The following RAPGEF6 variants were observed in gnomAD, a reference collection of about 807,000 sequenced individuals.
RAPGEF6 encodes Rap guanine nucleotide exchange factor 6.
A neutral mutation model predicts 171.4 loss-of-function variants in RAPGEF6; 56 were observed. The ratio of observed to expected loss-of-function variants is 0.33; its 90% confidence interval spans 0.26 to 0.41. The LOEUF (loss-of-function observed/expected upper bound fraction) is 0.41. RAPGEF6 is among the 10% of genes least tolerant of loss of function. The pLI, the probability that RAPGEF6 is intolerant of heterozygous loss-of-function variation, is 1.00. For missense variants in RAPGEF6, 1,674 were observed against 1,921.4 expected (o/e 0.87, Z 2.41); for synonymous variants, 692 against 650.1 (o/e 1.06, Z -0.98).
At chr5:131,485,267 C>G (rs1755807972) in intron 15 of RAPGEF6, among the ~76,000 whole-genome samples, 1 of 152,130 alleles carries the variant, frequency 6.6e-6, no homozygotes, top group Non-Finnish European at 1.5e-5. Flanking sequence ...CTGTGGAAGC[C>G]AAGAGGAATA....
chr5:131,613,229 T>C (rs1316913415), intron 1 of RAPGEF6, among the ~76,000 whole-genome samples: 7 of 152,122 alleles, frequency 4.6e-5, no homozygotes, highest in Non-Finnish European at 1.0e-4. Flanking sequence ...TCTAACACGG[T>C]GAAACCCCGT....
At chr5:131,542,993 A>G (rs1329162149) in intron 6 of RAPGEF6, among the ~76,000 whole-genome samples, 1 of 152,208 alleles carries the variant, frequency 6.6e-6, no homozygotes, top group Non-Finnish European at 1.5e-5. Context: ...TACTATGGCT[A>G]GCTAGCTGCT....
At chr5:131,490,683 C>A (rs974107572) in intron 14 of RAPGEF6, among the ~76,000 whole-genome samples, 20 of 152,228 alleles carry the variant, frequency 1.3e-4, no homozygotes, top group African/African-American at 4.8e-4. Flanking sequence ...AAAAATGTTA[C>A]GCTCTATTGA....
chr5:131,529,901 C>CTTTTTTT (rs1162181624), intron 6 of RAPGEF6, among the ~76,000 whole-genome samples: 2 of 119,776 alleles, frequency 1.7e-5, no homozygotes, highest in African/African-American at 3.3e-5. Flanking sequence ...TTGTCTCCCT[C>CTTTTTTT]TTTTTTTTTT....
chr5:131,613,797 CA>C, intron 1 of RAPGEF6, among the ~76,000 whole-genome samples: 1 of 152,030 alleles, frequency 6.6e-6, no homozygotes, highest in East Asian at 1.9e-4. Flanking sequence ...CTGAAAACAC[CA>C]AATTTTTATT....
intron 3 of RAPGEF6, among the ~76,000 whole-genome samples, chr5:131,601,615 C>T (rs545339666): frequency 6.6e-6 from 1 of 152,228 alleles, no homozygotes; most frequent in South Asian, 2.1e-4. Context: ...AATGAACTAA[C>T]ATAATGTAAT....
At chr5:131,600,642 CGAAGGAAG>C (rs759892581) in intron 3 of RAPGEF6, among the ~76,000 whole-genome samples, 4 of 137,172 alleles carry the variant, frequency 2.9e-5, no homozygotes, top group Admixed American at 7.4e-5. Context: ...GAGGAGGGAG[CGAAGGAAG>C]GAAGGAAGGA....
At chr5:131,600,703 T>C (rs557938027) in intron 3 of RAPGEF6, among the ~76,000 whole-genome samples, 2 of 152,060 alleles carry the variant, frequency 1.3e-5, no homozygotes, top group African/African-American at 2.4e-5. Context: ...AAATTTAAAA[T>C]GACTAATAAA....
At chr5:131,580,328 T>C (rs1762874408) in intron 4 of RAPGEF6, among the ~76,000 whole-genome samples, 1 of 152,062 alleles carries the variant, frequency 6.6e-6, no homozygotes, top group African/African-American at 2.4e-5. Flanking sequence ...TCACTCCGAG[T>C]GTGGGGCCCA....
chr5:131,619,939 T>C (rs1018859453), intron 1 of RAPGEF6, among the ~76,000 whole-genome samples: 2 of 152,222 alleles, frequency 1.3e-5, no homozygotes, highest in African/African-American at 4.8e-5. Context: ...GTATGTAAAA[T>C]GTGGATAATA....
chr5:131,474,528 A>C (rs979534888), intron 16 of RAPGEF6, among the ~76,000 whole-genome samples: 1 of 152,236 alleles, frequency 6.6e-6, no homozygotes, highest in Admixed American at 6.5e-5. Flanking sequence ...TATATTAAAA[A>C]GTAGAGGCAG....
At chr5:131,493,372 A>G (rs1045385617) in intron 13 of RAPGEF6, among the ~76,000 whole-genome samples, 2 of 151,962 alleles carry the variant, frequency 1.3e-5, no homozygotes, top group Middle Eastern at 3.2e-3. Context: ...CCTACTTATC[A>G]TTTCTTAAAC....
chr5:131,597,125 A>C (rs1389772942), intron 3 of RAPGEF6, among the ~76,000 whole-genome samples: 1 of 152,200 alleles, frequency 6.6e-6, no homozygotes, highest in Non-Finnish European at 1.5e-5. Flanking sequence ...AAAAATATTC[A>C]AATAAACTAA....
chr5:131,580,905 A>G (rs1211365821), intron 4 of RAPGEF6, among the ~76,000 whole-genome samples: 1 of 152,152 alleles, frequency 6.6e-6, no homozygotes, highest in Middle Eastern at 3.2e-3. Context: ...CAGCTTGCAG[A>G]TGGGAATGAA....
chr5:131,508,910 C>T (rs1438398704), intron 8 of RAPGEF6, among the ~76,000 whole-genome samples: 1 of 152,124 alleles, frequency 6.6e-6, no homozygotes, highest in Non-Finnish European at 1.5e-5. Flanking sequence ...TAAAATTGCA[C>T]TTTCAGTTTC....
intron 1 of RAPGEF6, among the ~76,000 whole-genome samples, chr5:131,631,632 C>T (rs1013314152): frequency 2.0e-5 from 3 of 152,196 alleles, no homozygotes; most frequent in Non-Finnish European, 4.4e-5. Context: ...AGTCTATTCT[C>T]AACACAGCAG....
intron 4 of RAPGEF6, among the ~76,000 whole-genome samples, chr5:131,591,675 A>C (rs960096633): frequency 1.3e-5 from 2 of 152,112 alleles, no homozygotes; most frequent in Non-Finnish European, 2.9e-5. Context: ...TATTATTCCC[A>C]TTTGTCAGCC....
At chr5:131,528,113 T>C (rs1298458720) in intron 6 of RAPGEF6, among the ~76,000 whole-genome samples, 1 of 126,494 alleles carries the variant, frequency 7.9e-6, no homozygotes, top group Non-Finnish European at 1.6e-5. Flanking sequence ...ATATTATATA[T>C]CATATAAAAT....
intron 17 of RAPGEF6, among the ~76,000 whole-genome samples, chr5:131,471,196 G>T (rs947121204): frequency 1.3e-5 from 2 of 152,138 alleles, no homozygotes; most frequent in African/African-American, 4.8e-5. Context: ...AAATGTCTTA[G>T]GAAAGTAATG....
Sources: gnomAD v4.1 joint callset for allele counts (sites outside exome capture counted in the v4.1 genomes callset) on GRCh38, gnomAD v4.1.1 for gene constraint, MANE v1.5 for transcripts, NCBI Gene and HGNC (gene_info 2026-07-23, HGNC 2026-07-21) for gene names.